The following MAGEC3 variants were observed in gnomAD, a reference collection of about 807,000 sequenced individuals.
MAGEC3 encodes melanoma-associated antigen C3.
MAGEC3 carries 34 observed loss-of-function variants against 35.3 expected under a neutral mutation model. The observed-to-expected ratio is 0.96, with a 90% confidence interval of 0.73 to 1.28. The LOEUF (loss-of-function observed/expected upper bound fraction) is 1.28. Ranked by LOEUF, MAGEC3 falls within the 50% of genes most tolerant of loss-of-function variation. The pLI is 0.00. For missense variants in MAGEC3, 561 were observed against 483.6 expected, an observed-to-expected ratio of 1.16 and a Z score of -1.50; for synonymous variants, 202 against 185.6, an observed-to-expected ratio of 1.09 and a Z score of -0.72.
At chrX:141,870,935 A>G (rs2017883514) in intron 2 of MAGEC3, among the ~76,000 whole-genome samples, 3 of 112,271 alleles carry the variant, frequency 2.7e-5, no homozygotes. Context: ...CATAATGTAG[A>G]CCACATTTTT....
At chrX:141,888,593 A>G (rs1740858295) in intron 4 of MAGEC3, among the ~76,000 whole-genome samples, 2 of 112,337 alleles carry the variant, frequency 1.8e-5, no homozygotes, top group South Asian at 7.4e-4. Flanking sequence ...GAGCATGTTA[A>G]TAATCAAGTG....
At chrX:141,856,755 A>C (rs1202674788) in intron 1 of MAGEC3, among the ~76,000 whole-genome samples, 3 of 112,017 alleles carry the variant, frequency 2.7e-5, no homozygotes, top group East Asian at 2.8e-4. Context: ...TATTCACAGC[A>C]ACATGGATGA....
intron 4 of MAGEC3, among the ~76,000 whole-genome samples, chrX:141,887,463 G>A (rs1269896835): frequency 2.7e-5 from 3 of 112,167 alleles, no homozygotes; most frequent in Non-Finnish European, 5.6e-5. Flanking sequence ...AAATTTCTAG[G>A]GGTGTAGTGG....
intron 4 of MAGEC3, among the ~76,000 whole-genome samples, chrX:141,886,869 A>C (rs1191032564): frequency 1.8e-5 from 2 of 111,487 alleles, no homozygotes; most frequent in East Asian, 5.7e-4. Flanking sequence ...TAAATCAAAA[A>C]CAATATCGCA....
chrX:141,894,962 G>T, intron 4 of MAGEC3: 1 of 553,506 alleles, frequency 1.8e-6, no homozygotes, highest in Non-Finnish European at 2.4e-6. Context: ...AGGTGGGAGG[G>T]AGTGGGAAAG....
chrX:141,841,167 T>A (rs760812344), intron 1 of MAGEC3, among the ~76,000 whole-genome samples: 1 of 111,283 alleles, frequency 9.0e-6, no homozygotes. Flanking sequence ...TTCTTCAACC[T>A]GGTGCTCTCT....
intron 2 of MAGEC3, among the ~76,000 whole-genome samples, chrX:141,875,485 A>T (rs2017914576): frequency 1.8e-5 from 2 of 111,130 alleles, no homozygotes; most frequent in South Asian, 7.7e-4. Flanking sequence ...CTTCGGTGAC[A>T]GAGGCAGCAT....
chrX:141,857,816 G>A (rs1267422765), intron 1 of MAGEC3, among the ~76,000 whole-genome samples: 2 of 110,822 alleles, frequency 1.8e-5, no homozygotes, highest in Non-Finnish European at 1.9e-5. Flanking sequence ...AAAACTCTCT[G>A]GTAACTATCT....
At chrX:141,857,400 A>G (rs2017787899) in intron 1 of MAGEC3, among the ~76,000 whole-genome samples, 1 of 110,741 alleles carries the variant, frequency 9.0e-6, no homozygotes, top group African/African-American at 3.3e-5. Context: ...GTTCTCCACA[A>G]ACCTCTATAT....
chrX:141,891,805 C>T (rs184846594), intron 4 of MAGEC3, among the ~76,000 whole-genome samples: 27 of 107,358 alleles, frequency 2.5e-4, no homozygotes, highest in African/African-American at 8.5e-4. Context: ...ATGCCACTTG[C>T]CTTTGCCACT....
At chrX:141,848,955 A>G (rs927446949) in intron 1 of MAGEC3, among the ~76,000 whole-genome samples, 10 of 111,618 alleles carry the variant, frequency 9.0e-5, no homozygotes, top group Non-Finnish European at 1.7e-4. Flanking sequence ...TGTACTCACA[A>G]AAATTAAAAT....
chrX:141,884,804 C>T (rs1334232939), intron 4 of MAGEC3, among the ~76,000 whole-genome samples: 1 of 111,641 alleles, frequency 9.0e-6, no homozygotes, highest in African/African-American at 3.3e-5. Flanking sequence ...TGTGGAGAAT[C>T]AAGGAACATA....
intron 1 of MAGEC3, chrX:141,840,073 TC>T (rs1401790305): frequency 2.9e-6 from 2 of 701,150 alleles, no homozygotes; most frequent in African/African-American, 2.4e-5. Flanking sequence ...TGGAAATTCT[TC>T]CTGAAGGATT....
rs776090651 is a variant in MAGEC3 at position 141,849,350 on chromosome X, CT to C, written c.123+10919del. On this transcript the variant is annotated intron_variant, in intron 1 of 7. Transcript: ENST00000298296. ...ATCCTAAAAGAAAACCTAGGAAACA[CT>C]TTTTTTGACATTGACTTTGGCAAAT... Among the ~76,000 whole-genome samples, 711 of 110,945 alleles carry C rather than the reference CT, an allele frequency of 6.4e-3. 8 individuals are homozygous for C. The highest frequency in any genetic ancestry group is 0.022 in the African/African-American group (670 of 30,620).
intron 1 of MAGEC3, among the ~76,000 whole-genome samples, chrX:141,846,879 G>A (rs2017720268): frequency 9.0e-6 from 1 of 110,694 alleles, no homozygotes; most frequent in Non-Finnish European, 1.9e-5. Flanking sequence ...CATTTTATGG[G>A]AAGCTGTAGT....
At chrX:141,839,039 G>T (rs1423415737) in intron 1 of MAGEC3, 1 of 172,351 alleles carries the variant, frequency 5.8e-6, no homozygotes, top group Non-Finnish European at 9.2e-6. Flanking sequence ...GTTAGTTTCG[G>T]GGCCCATGAT....
intron 2 of MAGEC3, among the ~76,000 whole-genome samples, chrX:141,874,849 A>G (rs1015390610): frequency 3.6e-5 from 4 of 110,121 alleles, no homozygotes; most frequent in Admixed American, 9.7e-5. Flanking sequence ...AAGAAAACAC[A>G]CTAAACACAC....
intron 4 of MAGEC3, among the ~76,000 whole-genome samples, chrX:141,884,994 G>A (rs940695118): frequency 9.0e-6 from 1 of 111,544 alleles, no homozygotes; most frequent in African/African-American, 3.3e-5. Flanking sequence ...CTTTGTCTGA[G>A]GAGATAAACC....
intron 1 of MAGEC3, among the ~76,000 whole-genome samples, chrX:141,844,773 G>A (rs187549041): frequency 3.6e-5 from 4 of 110,313 alleles, no homozygotes; most frequent in African/African-American, 6.5e-5. Flanking sequence ...TTGCATTAAC[G>A]AGAAATTTTT....
Sources: gnomAD v4.1 joint callset for allele counts (sites outside exome capture counted in the v4.1 genomes callset) on GRCh38, gnomAD v4.1.1 for gene constraint, MANE v1.5 for transcripts, NCBI Gene and HGNC (gene_info 2026-07-23, HGNC 2026-07-21) for gene names.